The following TP53I13 variants were observed in gnomAD, a reference collection of about 807,000 sequenced individuals.
TP53I13 encodes tumor protein p53 inducible protein 13.
Under a neutral mutation model 39.1 loss-of-function variants are expected in TP53I13, and 27 were observed. The ratio of observed to expected loss-of-function variants is 0.69; its 90% CI spans 0.51 to 0.95. The LOEUF is 0.95. Ranked by LOEUF, TP53I13 falls within the 40% of genes least tolerant of loss-of-function variation. TP53I13 has a pLI of 0.00. For missense variants in TP53I13, 544 were observed against 520.4 expected (o/e 1.05, Z -0.44); for synonymous variants, 230 against 224.6 (o/e 1.02, Z -0.22).
At chr17:29,576,731 A>AG (rs1344205026), downstream of TP53I13, 4 of 1,605,038 alleles carry the variant, frequency 2.5e-6, no homozygotes, top group East Asian at 4.5e-5. Context: ...CAACACCCGC[A>AG]GGGGGCAGTT....
chr17:29,576,607 G>A, downstream of TP53I13: 2 of 1,614,020 alleles, frequency 1.2e-6, no homozygotes, highest in South Asian at 1.1e-5. Context: ...TGTAGCCAGG[G>A]CCTTCTTCAG....
chr17:29,581,373 C>A, the TP53I13 span: 5 of 1,612,330 alleles, frequency 3.1e-6, no homozygotes, highest in East Asian at 1.1e-4. The surrounding 1 kb of genome is among the most constrained non-coding windows in gnomAD (Gnocchi z 4.8). Flanking sequence ...AATGCCCATT[C>A]TTGTGATCTG....
intron 5 of TP53I13, 40 bp from the exon 6 acceptor site, chr17:29,572,100 TGA>T: frequency 6.2e-7 from 1 of 1,611,422 alleles, no homozygotes. Flanking sequence ...TCGGGTTCTC[TGA>T]GAGGGGCAGC....
At chr17:29,579,078 C>T in the TP53I13 span, 2 of 1,161,286 alleles carry the variant, frequency 1.7e-6, no homozygotes, top group Non-Finnish European at 2.6e-6. Flanking sequence ...TCACATCAGG[C>T]CCAGACCCAT....
At chr17:29,569,386 C>G (rs746536411) in intron 3 of TP53I13, 27 bp downstream of exon 3, 9 of 1,612,002 alleles carry the variant, frequency 5.6e-6, no homozygotes, top group South Asian at 4.4e-5. Flanking sequence ...GCCCACCACC[C>G]TTGGTGTCCA....
chr17:29,578,471 T>G, the TP53I13 span: 3 of 1,105,534 alleles, frequency 2.7e-6, no homozygotes, highest in East Asian at 2.3e-5. Context: ...CCGGTGGCCT[T>G]CCTTGTGCTG....
upstream of TP53I13, chr17:29,566,329 G>A: frequency 1.2e-6 from 2 of 1,611,400 alleles, no homozygotes; most frequent in Non-Finnish European, 8.5e-7. Context: ...CTTGAGGTCG[G>A]ACGGGTCCCC....
At chr17:29,566,405 G>GGTA (rs1356116568), upstream of TP53I13, 3 of 1,611,752 alleles carry the variant, frequency 1.9e-6, no homozygotes, top group Non-Finnish European at 2.5e-6. Context: ...AAGATGACCG[G>GGTA]GTAGTAGCCG....
At position 29,568,968 on chromosome 17, in the gene TP53I13, G is replaced by A. The variant is rs772491198; in HGVS notation, c.73-50G>A. On this transcript the variant is annotated intron_variant, in intron 1 of 6. Transcript: ENST00000301057. This position sits in a 1 kb window ranked among gnomAD's most constrained non-coding sequence, Gnocchi z 4.5. ...CGGGCTGGGCCTGGGGAGAGAGAGG[G>A]CAGGGCCTCGCCGCGTCCAGCGCCC... is the stretch of plus-strand genomic sequence containing the variant. 6 of 1,589,522 alleles carry A rather than the reference G, an allele frequency of 3.8e-6. No individual in the cohort carries two copies. The highest frequency in any genetic ancestry group is 5.1e-6 in the Non-Finnish European group (6 of 1,169,624).
Position 29,572,547 on chromosome 17 carries a change from A to C in TP53I13, c.919A>C (p.Thr307Pro), listed in dbSNP as rs986664370. The C allele has an allele frequency of 9.4e-6, 15 of 1,602,850 alleles. No individual in the cohort carries two copies. Among genetic ancestry groups the C allele is most frequent in the Non-Finnish European group, 1.3e-5 (15 of 1,175,962 alleles). ...GGCAGCCCGGGGCCCCACCCCACGC[A>C]CTGAAGAGGCCGCCTGGGCTGCCAT... ...PRAARGPTPRTEEAAWAAMAL... is the reference protein window; with the variant it reads ...PRAARGPTPRPEEAAWAAMAL... Residue 307 changes from threonine (T) to proline (P), a missense_variant, in exon 6 of 7, where the codon ACT becomes CCT. Transcript: ENST00000301057.
intron 3 of TP53I13, 189 bp from the exon 4 acceptor site, chr17:29,571,402 G>A: frequency 1.5e-6 from 1 of 680,074 alleles, no homozygotes; most frequent in Non-Finnish European, 2.4e-6. Context: ...AAGGGTGAAA[G>A]GAACACTCAG....
At chr17:29,578,641 C>T in the TP53I13 span, 49 of 1,197,546 alleles carry the variant, frequency 4.1e-5, no homozygotes, top group Middle Eastern at 1.7e-3. Flanking sequence ...AAAAGGTCAT[C>T]GAGTCAGAGG....
Position 29,572,859 on chromosome 17 carries a change from T to TCGCGCCGGAGACCCCTCCTCCCGCC in TP53I13, c.1119_1143dup (p.Thr382AlafsTer72), listed in dbSNP as rs2033015183. ...GCAGCCCTCGCGCCGGGTCAAGCGCTCGCGCCGGAGACCCCTCCTCCCGCC... is the reference window on the plus strand; with the variant it reads ...GCAGCCCTCGCGCCGGGTCAAGCGCTCGCGCCGGAGACCCCTCCTCCCGCCCGCGCCGGAGACCCCTCCTCCCGCC... On this transcript the variant is annotated frameshift_variant, in exon 7 of 7. Coordinates refer to ENST00000301057, the MANE Select transcript of TP53I13 (RefSeq NM_138349.4). LOFTEE classifies it high-confidence loss of function. 6.6e-7 allele frequency: 1 copy of TCGCGCCGGAGACCCCTCCTCCCGCC among 1,523,576 alleles called. No individual in the cohort carries two copies. The highest frequency in any genetic ancestry group is 2.5e-5 in the East Asian group (1 of 39,520). The allele number at this position is 1,523,576 out of a possible 1,614,324, so 94.4% of individuals were successfully genotyped here.
chr17:29,578,110 C>T (rs1194565565), downstream of TP53I13, among the ~76,000 whole-genome samples: 1 of 152,150 alleles, frequency 6.6e-6, no homozygotes, highest in African/African-American at 2.4e-5. Flanking sequence ...GCACGCTAGC[C>T]GCCTCCCCCT....
At chr17:29,573,467 G>A (rs1424157007), downstream of TP53I13, 1 of 152,936 alleles carries the variant, frequency 6.5e-6, no homozygotes, top group Non-Finnish European at 1.5e-5. Flanking sequence ...CTAAGCATCA[G>A]AAACAGCTCA....
At chr17:29,567,071 C>T (rs1211647116), upstream of TP53I13, 1 of 1,017,802 alleles carries the variant, frequency 9.8e-7, no homozygotes, top group East Asian at 5.1e-5. The surrounding 1 kb of genome is among the most constrained non-coding windows in gnomAD (Gnocchi z 6.6). Flanking sequence ...CTGCCCAGGG[C>T]CCTCCCGCGC....
chr17:29,570,265 T>C (rs1048108291), intron 3 of TP53I13, among the ~76,000 whole-genome samples: 5 of 144,922 alleles, frequency 3.5e-5, no homozygotes, highest in African/African-American at 1.0e-4. Context: ...CCCAGTACTT[T>C]AGGAGGCTGA....
Position 29,569,010 on chromosome 17 carries a change from ACC to A in TP53I13, c.73-6_73-5del, listed in dbSNP as rs775822020. 14 of 1,608,456 alleles carry A rather than the reference ACC, an allele frequency of 8.7e-6. No individual in the cohort carries two copies. Among genetic ancestry groups the A allele is most frequent in the African/African-American group, 1.3e-5 (1 of 74,804 alleles). On this transcript the variant is annotated splice_region_variant and splice_polypyrimidine_tract_variant and intron_variant, in intron 1 of 6. Transcript: ENST00000301057. Reference sequence around the variant, plus strand: ...CCAGCGCCCCAACTCTTCGCTTTGGACCCACAGGTGATGGCTGGACCGGCGGA... The same window carrying A: ...CCAGCGCCCCAACTCTTCGCTTTGGACACAGGTGATGGCTGGACCGGCGGA...
intron 3 of TP53I13, 152 bp downstream of exon 3, chr17:29,569,511 G>C: frequency 1.5e-6 from 1 of 686,838 alleles, no homozygotes. Context: ...CCACCTCCAA[G>C]CCCAGGACAG....
Sources: gnomAD v4.1 joint callset for allele counts (sites outside exome capture counted in the v4.1 genomes callset) on GRCh38, gnomAD v4.1.1 for gene constraint, Gnocchi (gnomAD v3.1) non-coding constraint, MANE v1.5 for transcripts, NCBI Gene and HGNC (gene_info 2026-07-23, HGNC 2026-07-21) for gene names.